The following BTRC variants were observed in gnomAD, a reference collection of about 807,000 sequenced individuals.
The protein encoded by BTRC is beta-transducin repeat containing E3 ubiquitin protein ligase.
A neutral mutation model predicts 85.5 loss-of-function variants in BTRC; 42 were observed. The ratio of observed to expected loss-of-function variants is 0.49; its 90% CI spans 0.38 to 0.64. BTRC has a LOEUF of 0.64. Ranked by LOEUF, BTRC falls within the 30% of genes least tolerant of loss-of-function variation. The pLI, the probability that BTRC is intolerant of heterozygous loss-of-function variation, is 0.00. For synonymous variants in BTRC, 255 were observed against 263.3 expected (o/e 0.97, Z 0.30); for missense variants, 594 against 743.5 (o/e 0.80, Z 2.34).
intron 9 of BTRC, among the ~76,000 whole-genome samples, chr10:101,533,826 T>C (rs1344338623): frequency 2.0e-5 from 3 of 152,222 alleles, no homozygotes; most frequent in African/African-American, 7.2e-5. Context: ...TTTTGTCTTT[T>C]GACTTAAAGG....
rs568585000 is a variant in BTRC at position 101,366,583 on chromosome 10, A to G, written c.48+12355A>G. Among the ~76,000 whole-genome samples the G allele has an allele frequency of 4.4e-4, 66 of 150,820 alleles. 1 individual carries two copies. The East Asian group carries it at 0.013, about 29-fold the overall frequency. Reference sequence around the variant, plus strand: ...TTGTATTGGACCTTGAAGAGTAGATAGATTTTGACAGACTTGTGTCTGAGG... The same window carrying G: ...TTGTATTGGACCTTGAAGAGTAGATGGATTTTGACAGACTTGTGTCTGAGG... On this transcript the variant is annotated intron_variant, in intron 1 of 14. Transcript: ENST00000370187.
At chr10:101,529,718 A>G (rs909845047) in intron 6 of BTRC, among the ~76,000 whole-genome samples, 11 of 152,204 alleles carry the variant, frequency 7.2e-5, no homozygotes, top group African/African-American at 2.2e-4. Flanking sequence ...AGAGCCATCT[A>G]CCTTCCTGAT....
chr10:101,360,993 A>G (rs1942189228), intron 1 of BTRC, among the ~76,000 whole-genome samples: 1 of 150,782 alleles, frequency 6.6e-6, no homozygotes, highest in South Asian at 2.1e-4. Context: ...TTTTGTAGAG[A>G]TGGGGTCTTG....
chr10:101,545,064 GA>G (rs1329396568), intron 13 of BTRC, among the ~76,000 whole-genome samples: 2 of 150,160 alleles, frequency 1.3e-5, no homozygotes, highest in East Asian at 1.9e-4. Flanking sequence ...AAAAAAAAAA[GA>G]AAAAAAGCTA....
intron 1 of BTRC, among the ~76,000 whole-genome samples, chr10:101,362,110 A>G (rs1397331766): frequency 2.7e-5 from 4 of 149,554 alleles, no homozygotes; most frequent in Non-Finnish European, 4.5e-5. Flanking sequence ...ACAGGCACGT[A>G]CCACCACACC....
chr10:101,476,227 C>CT, intron 3 of BTRC, among the ~76,000 whole-genome samples: 1 of 151,710 alleles, frequency 6.6e-6, no homozygotes, highest in Admixed American at 6.6e-5. Flanking sequence ...CAAGGAAAGA[C>CT]TGAGGGATTG....
At chr10:101,510,430 A>C (rs773646749) in intron 4 of BTRC, among the ~76,000 whole-genome samples, 4 of 151,214 alleles carry the variant, frequency 2.6e-5, no homozygotes, top group Non-Finnish European at 5.9e-5. Flanking sequence ...GAATGGCGTG[A>C]ACCCAGGAGT....
chr10:101,533,982 A>G (rs768847150), intron 9 of BTRC, among the ~76,000 whole-genome samples: 4 of 152,242 alleles, frequency 2.6e-5, no homozygotes, highest in Non-Finnish European at 5.9e-5. Flanking sequence ...ATTCTATAAA[A>G]GGGGGCTAAA....
intron 1 of BTRC, among the ~76,000 whole-genome samples, chr10:101,358,241 A>G (rs943486472): frequency 6.6e-6 from 1 of 151,474 alleles, no homozygotes; most frequent in Non-Finnish European, 1.5e-5. Flanking sequence ...GGCTACAGGC[A>G]CACACCACTA....
intron 4 of BTRC, among the ~76,000 whole-genome samples, chr10:101,480,645 T>A (rs1439324050): frequency 6.6e-6 from 1 of 152,038 alleles, no homozygotes; most frequent in Non-Finnish European, 1.5e-5. Flanking sequence ...AAAAGCAGAG[T>A]TTTTGTTTAT....
At chr10:101,395,709 A>G (rs1943345976) in intron 1 of BTRC, among the ~76,000 whole-genome samples, 1 of 152,140 alleles carries the variant, frequency 6.6e-6, no homozygotes, top group African/African-American at 2.4e-5. Flanking sequence ...AGTTCATTGC[A>G]TACTACAAAA....
rs769838165 is a variant in BTRC, at chr10:101,479,318, G to T, written c.235-50G>T. 3 of 1,328,550 alleles carry T rather than the reference G, an allele frequency of 2.3e-6. No homozygotes were observed. The East Asian group carries it at 7.0e-5, about 31-fold the overall frequency. The allele number at this position is 1,328,550 out of a possible 1,614,324, so 82.3% of individuals were successfully genotyped here. A position where few individuals can be genotyped will look rare whatever the true frequency, so the allele number is the denominator to read the frequency against. ...GAGCAGAATTTGAAAACAGGATATG[G>T]CAGTATTTCAATATTTTAAAAACCT... On this transcript the variant is annotated intron_variant, in intron 3 of 14. Transcript: ENST00000370187.
In BTRC at chr10:101,460,802, ACT is replaced by A. The variant is rs578023047; in HGVS notation, c.157-1175_157-1174del. ...TGCTTGTATGAAAATTTTCAGATAA[ACT>A]CTCATGTTAAAAATAATTTCTGAAC... On this transcript the variant is annotated intron_variant, in intron 2 of 14. Coordinates refer to ENST00000370187, the MANE Select transcript of BTRC (RefSeq NM_033637.4). 1.6e-4 allele frequency among the ~76,000 whole-genome samples: 25 copies of A among 152,318 alleles called. No individual in the cohort carries two copies. In the East Asian group the frequency reaches 4.2e-3, roughly 26 times the overall value.
intron 3 of BTRC, among the ~76,000 whole-genome samples, chr10:101,475,121 G>C (rs995146913): frequency 1.2e-4 from 19 of 152,214 alleles, no homozygotes; most frequent in East Asian, 7.7e-4. Context: ...GAATTTACAT[G>C]CACCAATATT....
Position 101,522,913 on chromosome 10 carries a change from T to G in BTRC, c.556+1043T>G, listed in dbSNP as rs552674459. ...AGAATATATCAACAGAATATTTAAA[T>G]TCTACAGATGGGTTGGGCACGGTGG... On this transcript the variant is annotated intron_variant, in intron 5 of 14. Transcript: ENST00000370187. 9.2e-5 allele frequency among the ~76,000 whole-genome samples: 14 copies of G among 152,278 alleles called. No individual in the cohort carries two copies. The East Asian group carries it at 2.7e-3, about 29-fold the overall frequency.
intron 1 of BTRC, among the ~76,000 whole-genome samples, chr10:101,408,241 A>G (rs1943682258): frequency 6.6e-6 from 1 of 152,048 alleles, no homozygotes; most frequent in African/African-American, 2.4e-5. Context: ...GTATGGTTAA[A>G]TTTAAATTGA....
intron 1 of BTRC, among the ~76,000 whole-genome samples, chr10:101,378,843 A>G (rs573354613): frequency 1.5e-4 from 23 of 152,212 alleles, no homozygotes; most frequent in African/African-American, 5.3e-4. Context: ...TCCATGGGAA[A>G]ACATCCGCTT....
chr10:101,515,768 C>T (rs2062015503), intron 4 of BTRC, among the ~76,000 whole-genome samples: 1 of 152,158 alleles, frequency 6.6e-6, no homozygotes, highest in Admixed American at 6.5e-5. Context: ...ATCTCTGCCT[C>T]CCAAAGTGCT....
At chr10:101,422,657 G>A (rs1479482074) in intron 1 of BTRC, among the ~76,000 whole-genome samples, 1 of 152,184 alleles carries the variant, frequency 6.6e-6, no homozygotes, top group East Asian at 1.9e-4. Flanking sequence ...AAGGTGTAAG[G>A]AAGAGATCCA....
Sources: gnomAD v4.1 joint callset for allele counts (sites outside exome capture counted in the v4.1 genomes callset) on GRCh38, gnomAD v4.1.1 for gene constraint, MANE v1.5 for transcripts, NCBI Gene and HGNC (gene_info 2026-07-23, HGNC 2026-07-21) for gene names.